ACSL1: variants seen among roughly 807,000 people sequenced by gnomAD.
ACSL1 encodes acyl-CoA synthetase long chain family member 1.
Under a neutral mutation model 98.4 loss-of-function variants are expected in ACSL1, and 41 were observed. That is an observed-to-expected ratio of 0.42 (90% confidence interval 0.32 to 0.54). The LOEUF (loss-of-function observed/expected upper bound fraction) is 0.54, where lower values mean the gene tolerates loss of function less well. Among genes scored for constraint, ACSL1 ranks in the 20% least tolerant of loss-of-function variants. ACSL1 has a pLI of 0.13. For synonymous variants in ACSL1, 316 were observed against 322.7 expected, an observed-to-expected ratio of 0.98 and a Z score of 0.22; for missense variants, 734 against 883.1, an observed-to-expected ratio of 0.83 and a Z score of 2.14.
At position 184,773,567 on chromosome 4, in the gene ACSL1, C is replaced by T; in HGVS notation, c.841+96G>A. 1 of 1,182,050 alleles carries T rather than the reference C, an allele frequency of 8.5e-7. No individual in the cohort carries two copies. Among genetic ancestry groups the T allele is most frequent in the South Asian group, 1.5e-5 (1 of 68,864 alleles). The allele number at this position is 1,182,050 out of a possible 1,614,324, so 73.2% of individuals were successfully genotyped here. ...CGCTTCCTTCTCTTCTGCTTTTGGT[C>T]CGTCTACTGTTAGCTGATAAGTCAT... On this transcript the variant is annotated intron_variant, in intron 9 of 20. Coordinates refer to ENST00000281455, the MANE Select transcript of ACSL1 (RefSeq NM_001995.5). This position sits in a 1 kb window ranked among gnomAD's most constrained non-coding sequence, Gnocchi z 4.3.
chr4:184,757,126 T>C lies in ACSL1; in HGVS notation c.2096A>G (p.Ter699TrpextTer19). 1 of 1,582,254 alleles carries C rather than the reference T, an allele frequency of 6.3e-7. No individual in the cohort carries two copies. The highest frequency in any genetic ancestry group is 2.3e-5 in the East Asian group (1 of 44,132). ...IDDLYSTIKV[*>W] ...TTCCTCTGAGCTTTCTTCTTCACAC[T>C]AAACCTTGATAGTGGAATAGAGGTC... The change falls in exon 21 of 21, where the codon TAG (stop) becomes TGG (tryptophan). Residue 699 changes from the stop codon to tryptophan (W), a stop_lost. Coordinates refer to ENST00000281455, the MANE Select transcript of ACSL1 (RefSeq NM_001995.5). This position sits in a 1 kb window ranked among gnomAD's most constrained non-coding sequence, Gnocchi z 4.5.
At chr4:184,806,031 T>C (rs1189064050) in intron 1 of ACSL1, among the ~76,000 whole-genome samples, 1 of 152,176 alleles carries the variant, frequency 6.6e-6, no homozygotes, top group Non-Finnish European at 1.5e-5. Context: ...TCTAGACGAA[T>C]ACATAGGAAT....
intron 2 of ACSL1, among the ~76,000 whole-genome samples, chr4:184,790,458 T>C (rs550508338): frequency 1.3e-5 from 2 of 152,226 alleles, no homozygotes; most frequent in Non-Finnish European, 2.9e-5. Context: ...AAACTGCTAA[T>C]AGTTTTCTGG....
At chr4:184,776,795 T>C in intron 6 of ACSL1, 89 bp downstream of exon 6, 1 of 1,513,976 alleles carries the variant, frequency 6.6e-7, no homozygotes. Flanking sequence ...ACATGTAAAA[T>C]CTTTGTCAAA....
intron 11 of ACSL1, among the ~76,000 whole-genome samples, chr4:184,769,237 T>C (rs1180552002): frequency 6.6e-6 from 1 of 152,216 alleles, no homozygotes; most frequent in East Asian, 1.9e-4. Context: ...ATGATGAATT[T>C]GTGACACCAG....
chr4:184,817,092 A>T lies in ACSL1; in HGVS notation c.-33+8824T>A, dbSNP rs369184789. Among the ~76,000 whole-genome samples, 313 of 152,284 alleles carry T rather than the reference A, an allele frequency of 2.1e-3. 4 individuals carry two copies. The highest frequency in any genetic ancestry group is 7.1e-3 in the African/African-American group (297 of 41,566). On this transcript the variant is annotated intron_variant, in intron 1 of 20. Transcript: ENST00000281455. ...CTGCTAAGTTTTGGGACCAGAGACA[A>T]AACATACTCTGGAGTTAACCTGACT...
chr4:184,813,282 A>C (rs1481601067), intron 1 of ACSL1, among the ~76,000 whole-genome samples: 1 of 152,206 alleles, frequency 6.6e-6, no homozygotes. Flanking sequence ...CTTGTCTTCC[A>C]ATACTGATTG....
At chr4:184,789,061 C>G (rs1268338494) in intron 2 of ACSL1, among the ~76,000 whole-genome samples, 1 of 152,170 alleles carries the variant, frequency 6.6e-6, no homozygotes, top group Non-Finnish European at 1.5e-5. Flanking sequence ...GTCTAATATG[C>G]CCCTGTGGTA....
At position 184,789,761 on chromosome 4, in the gene ACSL1, G is replaced by T. The variant is rs1321552500; in HGVS notation, c.196-1030C>A. Among the ~76,000 whole-genome samples the T allele has an allele frequency of 2.0e-5, 3 of 152,276 alleles. No homozygotes were observed. In the East Asian group the frequency reaches 5.8e-4, roughly 29 times the overall value. ...TTTACAGGTAGCAGGTCTCCAATGT[G>T]AGCTGCTGAGTCCTCTGGGGCCAAA... is the stretch of plus-strand genomic sequence containing the variant. On this transcript the variant is annotated intron_variant, in intron 2 of 20. Coordinates refer to ENST00000281455, the MANE Select transcript of ACSL1 (RefSeq NM_001995.5).
At chr4:184,795,051 A>C (rs778573512) in intron 2 of ACSL1, among the ~76,000 whole-genome samples, 1 of 152,200 alleles carries the variant, frequency 6.6e-6, no homozygotes, top group Non-Finnish European at 1.5e-5. Context: ...AGAAAATTTG[A>C]AGTCACAATG....
Position 184,776,650 on chromosome 4 carries a change from A to AC in ACSL1, c.589_590insG (p.Leu197ArgfsTer5). 1 of 1,611,230 alleles carries AC rather than the reference A, an allele frequency of 6.2e-7. No homozygotes were observed. Among genetic ancestry groups the AC allele is most frequent in the Non-Finnish European group, 8.5e-7 (1 of 1,179,776 alleles). On this transcript the variant is annotated frameshift_variant, in exon 7 of 21. Transcript: ENST00000281455. LOFTEE classifies it high-confidence loss of function. The stretch of plus-strand genomic sequence containing the variant: ...CTTCTCTGGCTTGTCAACAAAAACC[A>AC]GAGAGAGTTCAGCTGTAAATGAAGA...
rs1003913801 is a variant in ACSL1, at chr4:184,766,048, C to T, written c.1264-62G>A. The T allele has an allele frequency of 4.5e-5, 70 of 1,539,158 alleles. No individual in the cohort carries two copies. The highest frequency in any genetic ancestry group is 1.7e-4 in the Middle Eastern group (1 of 5,764). On this transcript the variant is annotated intron_variant, in intron 13 of 20. Transcript: ENST00000281455. This position sits in a 1 kb window ranked among gnomAD's most constrained non-coding sequence, Gnocchi z 4.8. ...CACACCTGGAAGTCGGCGGCCTCTC[C>T]GCCAAGGGGGCCTGCTTGGGACCCC...
intron 3 of ACSL1, chr4:184,788,339 C>T (rs1022295599): frequency 4.2e-5 from 22 of 524,146 alleles, no homozygotes; most frequent in Middle Eastern, 5.2e-4. Context: ...TTGCAGGAAA[C>T]GTCAGAGCCT....
chr4:184,786,615 A>T (rs1293938843), intron 3 of ACSL1, among the ~76,000 whole-genome samples: 2 of 152,030 alleles, frequency 1.3e-5, no homozygotes, highest in South Asian at 2.1e-4. Context: ...TGCACGTGCT[A>T]TGGGAACACT....
intron 2 of ACSL1, among the ~76,000 whole-genome samples, chr4:184,789,883 CT>C (rs11309893): frequency 0.95 from 139,890 of 146,808 alleles, 66,758 homozygotes; most frequent in Non-Finnish European, 0.99. Context: ...TAGAGCCTAC[CT>C]TTTTTTTTTT....
At chr4:184,806,005 C>T (rs917072774) in intron 1 of ACSL1, among the ~76,000 whole-genome samples, 11 of 152,198 alleles carry the variant, frequency 7.2e-5, no homozygotes, top group African/African-American at 2.2e-4. Flanking sequence ...CCAGAGCATG[C>T]TGACAGCAGA....
chr4:184,781,264 A>T (rs1468956783), intron 4 of ACSL1, among the ~76,000 whole-genome samples: 1 of 151,338 alleles, frequency 6.6e-6, no homozygotes, highest in Non-Finnish European at 1.5e-5. Context: ...GCCTACATAT[A>T]AACAATATGC....
At chr4:184,769,193 AATCTAACTAG>A (rs1764121379) in intron 11 of ACSL1, among the ~76,000 whole-genome samples, 2 of 151,946 alleles carry the variant, frequency 1.3e-5, no homozygotes, top group South Asian at 4.1e-4. Flanking sequence ...CTTTTGTTTG[AATCTAACTAG>A]AAGTTTCTGA....
At chr4:184,815,174 G>A (rs995175952) in intron 1 of ACSL1, 5 of 451,594 alleles carry the variant, frequency 1.1e-5, no homozygotes, top group Admixed American at 7.1e-5. Flanking sequence ...AGGGAGGGCT[G>A]TCCAGAGAGC....
Sources: gnomAD v4.1 joint callset for allele counts (sites outside exome capture counted in the v4.1 genomes callset) on GRCh38, gnomAD v4.1.1 for gene constraint, Gnocchi (gnomAD v3.1) non-coding constraint, MANE v1.5 for transcripts, NCBI Gene and HGNC (gene_info 2026-07-23, HGNC 2026-07-21) for gene names.